The following ZNF521 variants were observed in gnomAD, a reference collection of about 807,000 sequenced individuals.
ZNF521 encodes the protein LYST-interacting protein 3.
A neutral mutation model predicts 105.5 loss-of-function variants in ZNF521; 14 were observed. That is an observed-to-expected ratio of 0.13 (90% CI 0.09 to 0.21). The LOEUF is 0.21. Ranked by LOEUF, ZNF521 falls within the 10% of genes least tolerant of loss-of-function variation. The pLI is 1.00. For synonymous variants in ZNF521, 635 were observed against 606.0 expected, an observed-to-expected ratio of 1.05 and a Z score of -0.70; for missense variants, 1,233 against 1,629.7, an observed-to-expected ratio of 0.76 and a Z score of 4.19.
intron 7 of ZNF521, among the ~76,000 whole-genome samples, chr18:25,088,885 C>T (rs755825153): frequency 3.3e-5 from 5 of 152,202 alleles, no homozygotes; most frequent in Non-Finnish European, 5.9e-5. Context: ...AGAGGACTTA[C>T]AGTCCAAGGT....
At chr18:25,275,254 A>C (rs2144962004) in intron 3 of ZNF521, among the ~76,000 whole-genome samples, 1 of 152,300 alleles carries the variant, frequency 6.6e-6, no homozygotes. Flanking sequence ...AAAAGGATGA[A>C]CTTCAACATT....
intron 4 of ZNF521, among the ~76,000 whole-genome samples, chr18:25,196,064 C>T (rs4368235): frequency 0.53 from 79,556 of 151,380 alleles, 21,488 homozygotes; most frequent in East Asian, 0.7. Context: ...ATCTTTATTA[C>T]TGAGTCCCAG....
intron 5 of ZNF521, among the ~76,000 whole-genome samples, chr18:25,166,029 A>C (rs1176484188): frequency 2.6e-5 from 4 of 152,208 alleles, no homozygotes; most frequent in African/African-American, 9.6e-5. Context: ...AACCGCTTCT[A>C]GTCTCTCCTG....
At chr18:25,091,562 G>A (rs1037431908) in intron 6 of ZNF521, among the ~76,000 whole-genome samples, 1 of 151,956 alleles carries the variant, frequency 6.6e-6, no homozygotes, top group Non-Finnish European at 1.5e-5. Flanking sequence ...GCAGACATGC[G>A]CTGACAACAC....
chr18:25,325,460 G>A (rs1447016909), intron 2 of ZNF521, among the ~76,000 whole-genome samples: 1 of 152,172 alleles, frequency 6.6e-6, no homozygotes, highest in Non-Finnish European at 1.5e-5. Context: ...GTCCATGCCT[G>A]TAAGTACTGC....
chr18:25,310,801 A>G (rs967752575), intron 3 of ZNF521, among the ~76,000 whole-genome samples: 6 of 152,186 alleles, frequency 3.9e-5, no homozygotes, highest in Non-Finnish European at 7.3e-5. Context: ...AATAACCCAT[A>G]TAATTAAATT....
chr18:25,341,980 G>T (rs148057878), intron 2 of ZNF521, among the ~76,000 whole-genome samples: 1 of 152,240 alleles, frequency 6.6e-6, no homozygotes, highest in Non-Finnish European at 1.5e-5. Context: ...GTTAAATGAT[G>T]AATAAGCTTC....
intron 4 of ZNF521, among the ~76,000 whole-genome samples, chr18:25,203,075 TAAACTCAAGGCATTACA>T (rs2144659353): frequency 6.6e-6 from 1 of 152,314 alleles, no homozygotes; most frequent in African/African-American, 2.4e-5. Flanking sequence ...CCGTGATCCC[TAAACTCAAGGCATTACA>T]ATGTGATTGG....
chr18:25,221,939 ATTT>A (rs1279552568), intron 4 of ZNF521, among the ~76,000 whole-genome samples: 1 of 152,268 alleles, frequency 6.6e-6, no homozygotes, highest in East Asian at 1.9e-4. Context: ...TATTGTACAT[ATTT>A]AATTGTAGAG....
chr18:25,313,821 A>T (rs1273110953), intron 3 of ZNF521, among the ~76,000 whole-genome samples: 2 of 152,204 alleles, frequency 1.3e-5, no homozygotes, highest in Non-Finnish European at 2.9e-5. Context: ...AGTAAAATGC[A>T]TATAGAGATG....
At chr18:25,256,703 C>T (rs558555917) in intron 3 of ZNF521, among the ~76,000 whole-genome samples, 1 of 151,992 alleles carries the variant, frequency 6.6e-6, no homozygotes, top group African/African-American at 2.4e-5. Context: ...AGTCTGCAGT[C>T]CTTTGTGAGG....
intron 6 of ZNF521, among the ~76,000 whole-genome samples, chr18:25,090,188 C>G (rs1483164925): frequency 6.6e-6 from 1 of 152,156 alleles, no homozygotes; most frequent in Non-Finnish European, 1.5e-5. Flanking sequence ...GACTGTGTAA[C>G]AGTTTACCTA....
chr18:25,324,431 T>C (rs1445342477), intron 2 of ZNF521, among the ~76,000 whole-genome samples: 2 of 148,446 alleles, frequency 1.3e-5, no homozygotes, highest in East Asian at 1.9e-4. Context: ...GATTCAAAGA[T>C]CTCCAACAAA....
At chr18:25,117,401 G>C (rs930910809) in intron 5 of ZNF521, among the ~76,000 whole-genome samples, 3 of 151,964 alleles carry the variant, frequency 2.0e-5, no homozygotes, top group Admixed American at 2.0e-4. Context: ...CAATGTCCAA[G>C]ATACAATTTA....
intron 3 of ZNF521, among the ~76,000 whole-genome samples, chr18:25,319,969 T>C (rs1912849580): frequency 6.6e-6 from 1 of 152,158 alleles, no homozygotes; most frequent in Non-Finnish European, 1.5e-5. Context: ...TAGCTTCTCT[T>C]CAAAAATGTC....
chr18:25,349,982 G>C (rs1914652757), intron 2 of ZNF521, among the ~76,000 whole-genome samples: 1 of 151,444 alleles, frequency 6.6e-6, no homozygotes, highest in Admixed American at 6.6e-5. Context: ...GGCTCCCCTC[G>C]GCCGCCCGCC....
chr18:25,109,698 T>C (rs73400809), intron 5 of ZNF521, among the ~76,000 whole-genome samples: 2,391 of 152,276 alleles, frequency 0.016, 50 homozygotes, highest in African/African-American at 0.055. Context: ...TCTCTGATGA[T>C]TAGTGATGTT....
chr18:25,351,639 A>G (rs1306909711), intron 1 of ZNF521: 6 of 152,644 alleles, frequency 3.9e-5, no homozygotes, highest in Admixed American at 3.9e-4. Flanking sequence ...AAGCAAAGGG[A>G]AAAAAATACT....
At chr18:25,247,919 T>A (rs2144830880) in intron 3 of ZNF521, among the ~76,000 whole-genome samples, 1 of 152,276 alleles carries the variant, frequency 6.6e-6, no homozygotes. Context: ...ACTCAGTGAC[T>A]AATTATATAT....
Sources: allele counts gnomAD v4.1 joint callset (sites outside exome capture counted in the v4.1 genomes callset), GRCh38; gene constraint gnomAD v4.1.1; transcripts MANE v1.5; gene names NCBI Gene and HGNC (gene_info 2026-07-23, HGNC 2026-07-21).